Variants in DMD observed in about 807,000 individuals in gnomAD.
DMD encodes the protein dystrophin.
A neutral mutation model predicts 330.1 loss-of-function variants in DMD; 63 were observed. That is an observed-to-expected ratio of 0.19 (90% CI 0.16 to 0.24). The LOEUF (loss-of-function observed/expected upper bound fraction) is 0.24, where lower values mean the gene tolerates loss of function less well. DMD is among the 10% of genes least tolerant of loss of function. The pLI is 1.00. For synonymous variants in DMD, 1,223 were observed against 959.8 expected, an observed-to-expected ratio of 1.27 and a Z score of -5.07; for missense variants, 3,344 against 2,684.1, an observed-to-expected ratio of 1.25 and a Z score of -5.43.
At chrX:33,003,877 C>T (rs1399749827) in intron 2 of DMD, among the ~76,000 whole-genome samples, 6 of 111,969 alleles carry the variant, frequency 5.4e-5, no homozygotes, top group South Asian at 3.6e-4. Flanking sequence ...AAATTGTATT[C>T]GATGTTTCAG....
intron 1 of DMD, among the ~76,000 whole-genome samples, chrX:33,076,678 G>A (rs955625633): frequency 8.9e-6 from 1 of 111,892 alleles, no homozygotes; most frequent in Non-Finnish European, 1.9e-5. Flanking sequence ...TAAGGCTTTT[G>A]GTTATGTATA....
At chrX:31,813,271 C>T (rs755960810) in intron 50 of DMD, among the ~76,000 whole-genome samples, 1 of 111,652 alleles carries the variant, frequency 9.0e-6, no homozygotes, top group African/African-American at 3.3e-5. Context: ...GGTGTCCTAC[C>T]CAAGGGGAGA....
intron 60 of DMD, among the ~76,000 whole-genome samples, chrX:31,378,060 G>C (rs1275017152): frequency 9.0e-6 from 1 of 111,017 alleles, no homozygotes; most frequent in South Asian, 3.9e-4. Flanking sequence ...CCCCACCCCT[G>C]TCTCCCTTTG....
intron 67 of DMD, among the ~76,000 whole-genome samples, chrX:31,194,751 G>A (rs911533056): frequency 8.9e-6 from 1 of 112,363 alleles, no homozygotes; most frequent in African/African-American, 3.2e-5. Context: ...CAAGGCAGGA[G>A]GGTGGGCAAG....
chrX:31,733,436 T>A (rs1016807610), intron 51 of DMD, among the ~76,000 whole-genome samples: 4 of 111,642 alleles, frequency 3.6e-5, no homozygotes, highest in African/African-American at 1.3e-4. Flanking sequence ...TATTTTTATA[T>A]TTTTCTATAA....
intron 51 of DMD, among the ~76,000 whole-genome samples, chrX:31,750,103 A>G (rs1012138415): frequency 9.2e-6 from 1 of 109,288 alleles, no homozygotes; most frequent in African/African-American, 3.3e-5. Context: ...TTGCCTGTTC[A>G]CTCTGATGGT....
At chrX:31,735,692 C>T (rs186007891) in intron 51 of DMD, among the ~76,000 whole-genome samples, 1 of 111,887 alleles carries the variant, frequency 8.9e-6, no homozygotes, top group Admixed American at 9.5e-5. Context: ...GGTGGAGTTC[C>T]ATTCAACACA....
intron 55 of DMD, among the ~76,000 whole-genome samples, chrX:31,604,211 C>A (rs1228551836): frequency 3.6e-5 from 4 of 112,253 alleles, no homozygotes; most frequent in Non-Finnish European, 5.6e-5. Context: ...AGTGAGGAAG[C>A]TATCAAATAA....
chrX:32,302,537 T>C (rs1330470857), intron 42 of DMD, among the ~76,000 whole-genome samples: 2 of 111,529 alleles, frequency 1.8e-5, no homozygotes, highest in Non-Finnish European at 3.8e-5. Flanking sequence ...CTTTAGAATA[T>C]TTGCCACATC....
intron 64 of DMD, among the ~76,000 whole-genome samples, chrX:31,217,573 C>A (rs756258491): frequency 8.9e-6 from 1 of 112,059 alleles, no homozygotes; most frequent in Non-Finnish European, 1.9e-5. Context: ...GTAGAAGTGG[C>A]CTTTGGTAGG....
At chrX:32,146,284 T>C (rs1369341632) in intron 44 of DMD, among the ~76,000 whole-genome samples, 1 of 111,529 alleles carries the variant, frequency 9.0e-6, no homozygotes, top group African/African-American at 3.3e-5. Flanking sequence ...GATAGATAGA[T>C]GATAGATAAA....
chrX:31,965,263 TAAAC>T (rs1227742205), intron 45 of DMD, among the ~76,000 whole-genome samples: 3 of 111,593 alleles, frequency 2.7e-5, no homozygotes, highest in Admixed American at 9.6e-5. Context: ...TCTGGGCAGA[TAAAC>T]AGACAGCTGG....
At chrX:32,973,313 G>A (rs758491819) in intron 2 of DMD, among the ~76,000 whole-genome samples, 2 of 112,184 alleles carry the variant, frequency 1.8e-5, no homozygotes, top group South Asian at 3.7e-4. Flanking sequence ...TGGCACAATG[G>A]TTTTAAAATA....
intron 1 of DMD, among the ~76,000 whole-genome samples, chrX:33,092,856 T>A (rs976344895): frequency 9.0e-6 from 1 of 110,578 alleles, no homozygotes; most frequent in East Asian, 2.8e-4. Flanking sequence ...TAATTTTCTT[T>A]TTTATTTATT....
chrX:33,181,582 A>G (rs1052330110), intron 1 of DMD, among the ~76,000 whole-genome samples: 3 of 111,669 alleles, frequency 2.7e-5, no homozygotes, highest in African/African-American at 9.8e-5. Flanking sequence ...CATCTGTAAA[A>G]TGGGAACAAT....
chrX:32,805,324 T>C (rs1201260942), intron 7 of DMD, among the ~76,000 whole-genome samples: 6 of 111,455 alleles, frequency 5.4e-5, no homozygotes, highest in Non-Finnish European at 9.4e-5. Flanking sequence ...CATACACAAG[T>C]ATCAATAGCT....
chrX:31,909,767 T>G (rs949604504), intron 47 of DMD, among the ~76,000 whole-genome samples: 6 of 112,443 alleles, frequency 5.3e-5, no homozygotes, highest in African/African-American at 1.9e-4. Context: ...ATCTCTCGGT[T>G]AGTGTTAACA....
intron 1 of DMD, among the ~76,000 whole-genome samples, chrX:33,334,860 T>C (rs1292266584): frequency 9.0e-6 from 1 of 111,322 alleles, no homozygotes; most frequent in Non-Finnish European, 1.9e-5. Context: ...TCTTCTTCAA[T>C]TTCCATTTAG....
intron 7 of DMD, among the ~76,000 whole-genome samples, chrX:32,709,179 T>C (rs1485972857): frequency 1.8e-5 from 2 of 111,811 alleles, no homozygotes; most frequent in African/African-American, 6.5e-5. Flanking sequence ...AATACAATAA[T>C]ATCCATGGAT....
Sources: allele counts gnomAD v4.1 joint callset (sites outside exome capture counted in the v4.1 genomes callset), GRCh38; gene constraint gnomAD v4.1.1; transcripts MANE v1.5; gene names NCBI Gene and HGNC (gene_info 2026-07-23, HGNC 2026-07-21).